Variants in PDSS2 observed in about 807,000 individuals in gnomAD.
PDSS2 encodes decaprenyl diphosphate synthase subunit 2, also known as all trans-polyprenyl-diphosphate synthase PDSS2.
Under a neutral mutation model 44.5 loss-of-function variants are expected in PDSS2, and 31 were observed. The observed-to-expected ratio is 0.70, with a 90% CI of 0.52 to 0.94. PDSS2 has a LOEUF of 0.94. PDSS2 is among the 40% of genes least tolerant of loss of function. The pLI is 0.00. For synonymous variants in PDSS2, 157 were observed against 180.3 expected, an observed-to-expected ratio of 0.87 and a Z score of 1.03; for missense variants, 452 against 482.2, an observed-to-expected ratio of 0.94 and a Z score of 0.59.
At chr6:107,271,389 AGT>A (rs1775592937) in intron 3 of PDSS2, among the ~76,000 whole-genome samples, 1 of 152,348 alleles carries the variant, frequency 6.6e-6, no homozygotes, top group East Asian at 1.9e-4. Context: ...TGTACAAGCA[AGT>A]GTGCTCATTC....
At chr6:107,332,525 T>C (rs1777745059) in intron 2 of PDSS2, among the ~76,000 whole-genome samples, 1 of 152,118 alleles carries the variant, frequency 6.6e-6, no homozygotes, top group Admixed American at 6.6e-5. Context: ...ACAAGATGAC[T>C]TTTTTTAACA....
At chr6:107,379,018 T>C (rs1779377743) in intron 1 of PDSS2, among the ~76,000 whole-genome samples, 1 of 152,204 alleles carries the variant, frequency 6.6e-6, no homozygotes, top group African/African-American at 2.4e-5. Flanking sequence ...TCCACACACA[T>C]ACTCTTGGAA....
chr6:107,363,988 T>C (rs1690869706), intron 1 of PDSS2, among the ~76,000 whole-genome samples: 1 of 151,442 alleles, frequency 6.6e-6, no homozygotes, highest in Non-Finnish European at 1.5e-5. Context: ...TGCCGATTGG[T>C]GTATTTGCAA....
At chr6:107,232,816 C>A (rs1338841561) in intron 4 of PDSS2, among the ~76,000 whole-genome samples, 1 of 152,064 alleles carries the variant, frequency 6.6e-6, no homozygotes, top group Non-Finnish European at 1.5e-5. Context: ...ATTTCCTGAT[C>A]CCAACAAACT....
intron 1 of PDSS2, among the ~76,000 whole-genome samples, chr6:107,402,451 C>CACATATATATATACGTATATATATGTAT (rs1780140882): frequency 4.9e-4 from 4 of 8,116 alleles, no homozygotes; most frequent in African/African-American, 2.6e-3. Flanking sequence ...CACACACACA[C>CACATATATATATACGTATATATATGTAT]ACATATATAT....
chr6:107,163,176 G>A (rs1236988504), intron 7 of PDSS2, among the ~76,000 whole-genome samples: 3 of 152,050 alleles, frequency 2.0e-5, no homozygotes, highest in Non-Finnish European at 4.4e-5. Context: ...ATTCAGCCAG[G>A]CTAAACTAAA....
chr6:107,339,833 A>C (rs1034781423), intron 1 of PDSS2, among the ~76,000 whole-genome samples: 1 of 152,212 alleles, frequency 6.6e-6, no homozygotes, highest in Non-Finnish European at 1.5e-5. Context: ...CAGGATGAAC[A>C]GACCATAAGA....
chr6:107,274,485 C>G (rs755229522), intron 2 of PDSS2, among the ~76,000 whole-genome samples: 6 of 152,118 alleles, frequency 3.9e-5, no homozygotes, highest in African/African-American at 1.4e-4. Flanking sequence ...CAGAAGTTGA[C>G]CAGTGGAGGG....
intron 1 of PDSS2, among the ~76,000 whole-genome samples, chr6:107,377,888 G>C (rs149319645): frequency 6.6e-6 from 1 of 151,912 alleles, no homozygotes; most frequent in African/African-American, 2.4e-5. Flanking sequence ...GACTGTTGTG[G>C]GGTAGGGGTA....
At chr6:107,292,759 T>A (rs1776387053) in intron 2 of PDSS2, among the ~76,000 whole-genome samples, 1 of 152,168 alleles carries the variant, frequency 6.6e-6, no homozygotes, top group African/African-American at 2.4e-5. Flanking sequence ...GTCAACCAGA[T>A]GCTTATGAGG....
intron 2 of PDSS2, among the ~76,000 whole-genome samples, chr6:107,286,369 T>C (rs1209052436): frequency 2.1e-5 from 3 of 142,800 alleles, no homozygotes; most frequent in African/African-American, 7.8e-5. Flanking sequence ...AATTTGCTGA[T>C]TGTGGTGGCG....
At chr6:107,160,056 A>C (rs1053712327) in intron 7 of PDSS2, among the ~76,000 whole-genome samples, 8 of 152,022 alleles carry the variant, frequency 5.3e-5, no homozygotes, top group Admixed American at 5.2e-4. Flanking sequence ...TCTCTACTAA[A>C]AATACAAAAA....
In PDSS2 at chr6:107,334,216, A is replaced by C. The variant is rs1777801247; in HGVS notation, c.413T>G (p.Val138Gly). The change falls in exon 2 of 8, where the codon GTC becomes GGC. Residue 138 changes from valine to glycine, a missense_variant. Coordinates refer to ENST00000369037, the MANE Select transcript of PDSS2 (RefSeq NM_020381.4). ...TTCTTACCATGAGTAGATCCCACTGACCATGTCATAGTTCTGACATGAAGT... is the reference window on the plus strand; with the variant it reads ...TTCTTACCATGAGTAGATCCCACTGCCCATGTCATAGTTCTGACATGAAGT... ...VNTSCQNYDM[V>G]SGIYSCQRSL... 1 of 1,613,528 alleles carries C rather than the reference A, an allele frequency of 6.2e-7. No homozygotes were observed. Among genetic ancestry groups the C allele is most frequent in the Admixed American group, 1.7e-5 (1 of 59,996 alleles).
intron 2 of PDSS2, among the ~76,000 whole-genome samples, chr6:107,331,501 T>C (rs1328960867): frequency 6.6e-6 from 1 of 152,188 alleles, no homozygotes; most frequent in African/African-American, 2.4e-5. Context: ...TGGATTATAA[T>C]GACCATCTGC....
chr6:107,176,033 T>TTTTA (rs200788409), intron 7 of PDSS2, among the ~76,000 whole-genome samples: 5,752 of 151,972 alleles, frequency 0.038, 146 homozygotes, highest in Non-Finnish European at 0.06. Flanking sequence ...TTTTCACTGC[T>TTTTA]TTTATTTATT....
chr6:107,253,507 C>G (rs1050286365), intron 3 of PDSS2, among the ~76,000 whole-genome samples: 4 of 152,204 alleles, frequency 2.6e-5, no homozygotes. Flanking sequence ...TTTTTGATCA[C>G]TCAGAAGGTT....
At position 107,198,046 on chromosome 6, in the gene PDSS2, A is replaced by T. The variant is rs192312532; in HGVS notation, c.1009-4192T>A. On this transcript the variant is annotated intron_variant, in intron 6 of 7. Coordinates refer to ENST00000369037, the MANE Select transcript of PDSS2 (RefSeq NM_020381.4). ...TATAATATTCTTTACTGATAAGGAC[A>T]TCTAGAATAGCCCTATCACAAATTC... The T allele has an allele frequency of 1.0e-5, 4 of 392,536 alleles. No individual in the cohort carries two copies. The East Asian group carries it at 2.9e-4, about 28-fold the overall frequency. 24.3% of individuals were successfully genotyped at this position (392,536 alleles called of 1,614,324 possible). A position where few individuals can be genotyped will look rare whatever the true frequency, so the allele number is the denominator to read the frequency against.
intron 2 of PDSS2, among the ~76,000 whole-genome samples, chr6:107,292,691 G>T (rs759950562): frequency 6.6e-6 from 1 of 152,154 alleles, no homozygotes; most frequent in Non-Finnish European, 1.5e-5. Flanking sequence ...TTTTCTAAAT[G>T]CTGTTTTGAA....
chr6:107,413,744 C>A (rs1273197703), intron 1 of PDSS2, among the ~76,000 whole-genome samples: 1 of 152,104 alleles, frequency 6.6e-6, no homozygotes, highest in Non-Finnish European at 1.5e-5. Context: ...GGATTACAGG[C>A]GTGATACAGG....
Sources: gnomAD v4.1 joint callset for allele counts (sites outside exome capture counted in the v4.1 genomes callset) on GRCh38, gnomAD v4.1.1 for gene constraint, MANE v1.5 for transcripts, NCBI Gene and HGNC (gene_info 2026-07-23, HGNC 2026-07-21) for gene names.